MACROD2: variants seen among roughly 807,000 people sequenced by gnomAD.
MACROD2 encodes the protein mono-ADP ribosylhydrolase 2.
MACROD2 carries 36 observed loss-of-function variants against 70.4 expected under a neutral mutation model. The ratio of observed to expected loss-of-function variants is 0.51; its 90% CI spans 0.39 to 0.68. The LOEUF is 0.68. Ranked by LOEUF, MACROD2 falls within the 30% of genes least tolerant of loss-of-function variation. The pLI, the probability that MACROD2 is intolerant of heterozygous loss-of-function variation, is 0.00. For synonymous variants in MACROD2, 172 were observed against 178.8 expected (o/e 0.96, Z 0.30); for missense variants, 496 against 538.4 (o/e 0.92, Z 0.78).
rs556033575 is a variant in MACROD2 at position 14,831,544 on chromosome 20, C to T, written c.418+146585C>T. 1.8e-4 allele frequency among the ~76,000 whole-genome samples: 27 copies of T among 151,562 alleles called. No individual in the cohort carries two copies. The South Asian group carries it at 3.8e-3, about 21-fold the overall frequency. ...CTGTAATCCCAGCACTTTGGGAGGC[C>T]GAGGAGGGTGGATCACCTGAGGTCG... On this transcript the variant is annotated intron_variant, in intron 5 of 17. Coordinates refer to ENST00000684519, the MANE Select transcript of MACROD2 (RefSeq NM_001351661.2).
chr20:15,687,469 G>A (rs1199554635), intron 8 of MACROD2, among the ~76,000 whole-genome samples: 12 of 151,816 alleles, frequency 7.9e-5, no homozygotes, highest in South Asian at 2.1e-4. Flanking sequence ...TCTGGACACC[G>A]GTCATTGACT....
At chr20:14,605,963 G>T (rs1372031610) in intron 4 of MACROD2, among the ~76,000 whole-genome samples, 1 of 152,006 alleles carries the variant, frequency 6.6e-6, no homozygotes, top group African/African-American at 2.4e-5. Context: ...ATTACCCAGG[G>T]ATAATAGAAT....
intron 8 of MACROD2, among the ~76,000 whole-genome samples, chr20:15,534,854 T>C (rs2047852301): frequency 6.6e-6 from 1 of 152,200 alleles, no homozygotes; most frequent in South Asian, 2.1e-4. Flanking sequence ...TAAATTCTAC[T>C]CTACATTCTT....
At chr20:14,782,082 C>A (rs1198360387) in intron 5 of MACROD2, among the ~76,000 whole-genome samples, 1 of 151,862 alleles carries the variant, frequency 6.6e-6, no homozygotes, top group African/African-American at 2.4e-5. Flanking sequence ...TGCCACCACG[C>A]CCAGATAATT....
At chr20:15,493,742 C>T (rs2047260113) in intron 7 of MACROD2, among the ~76,000 whole-genome samples, 1 of 152,184 alleles carries the variant, frequency 6.6e-6, no homozygotes, top group African/African-American at 2.4e-5. Context: ...ACTGTAGCTG[C>T]ATTGGAACCA....
intron 8 of MACROD2, among the ~76,000 whole-genome samples, chr20:15,580,265 C>G (rs1194512792): frequency 6.6e-6 from 1 of 152,170 alleles, no homozygotes; most frequent in Non-Finnish European, 1.5e-5. Context: ...CTTCCCGTGA[C>G]AATTTGGAGT....
At chr20:15,637,616 A>G (rs756466904) in intron 8 of MACROD2, among the ~76,000 whole-genome samples, 19 of 152,182 alleles carry the variant, frequency 1.2e-4, no homozygotes, top group Non-Finnish European at 2.4e-4. Flanking sequence ...TGCACATAAG[A>G]CAGGCCCACA....
intron 3 of MACROD2, among the ~76,000 whole-genome samples, chr20:14,133,805 A>G (rs971932924): frequency 1.3e-5 from 2 of 152,216 alleles, no homozygotes; most frequent in African/African-American, 4.8e-5. Context: ...TTCTGGGAAT[A>G]CAATGGGCAG....
At chr20:14,918,982 T>C (rs999733208) in intron 5 of MACROD2, among the ~76,000 whole-genome samples, 2 of 152,184 alleles carry the variant, frequency 1.3e-5, no homozygotes, top group African/African-American at 2.4e-5. Flanking sequence ...AGAATTAAAC[T>C]GAATGCTTTG....
At chr20:15,717,878 T>C (rs1351435703) in intron 8 of MACROD2, among the ~76,000 whole-genome samples, 2 of 152,034 alleles carry the variant, frequency 1.3e-5, no homozygotes, top group African/African-American at 4.8e-5. Flanking sequence ...ACAGAAGCAA[T>C]AGCTGGCATG....
intron 5 of MACROD2, among the ~76,000 whole-genome samples, chr20:14,933,559 GAT>G (rs1436523329): frequency 6.6e-6 from 1 of 151,804 alleles, no homozygotes; most frequent in African/African-American, 2.4e-5. Flanking sequence ...GAGGCCAGGA[GAT>G]TGAGGCTGCA....
chr20:15,332,872 A>G (rs1248026002), intron 6 of MACROD2, among the ~76,000 whole-genome samples: 2 of 151,562 alleles, frequency 1.3e-5, no homozygotes, highest in Non-Finnish European at 2.9e-5. Flanking sequence ...ATGAAGTTAG[A>G]ATGGAGGAGA....
intron 8 of MACROD2, among the ~76,000 whole-genome samples, chr20:15,638,040 T>A (rs952968175): frequency 6.6e-6 from 1 of 152,188 alleles, no homozygotes; most frequent in East Asian, 1.9e-4. Context: ...AATTTTTTTT[T>A]ACGAGGCTTG....
At chr20:14,490,368 T>G (rs899588249) in intron 3 of MACROD2, among the ~76,000 whole-genome samples, 1 of 152,202 alleles carries the variant, frequency 6.6e-6, no homozygotes, top group Non-Finnish European at 1.5e-5. Flanking sequence ...TTGTAAACAG[T>G]AAAACTCCAT....
chr20:15,583,647 T>C (rs1428638050), intron 8 of MACROD2, among the ~76,000 whole-genome samples: 1 of 151,150 alleles, frequency 6.6e-6, no homozygotes, highest in Non-Finnish European at 1.5e-5. Context: ...TTTGTTTTTG[T>C]TTTTTTTTCT....
At chr20:14,944,385 G>A (rs2074413365) in intron 5 of MACROD2, among the ~76,000 whole-genome samples, 1 of 152,158 alleles carries the variant, frequency 6.6e-6, no homozygotes. Context: ...CATGTAAGAA[G>A]ATGAAATTGT....
At chr20:15,977,129 A>G (rs1341729207) in intron 13 of MACROD2, among the ~76,000 whole-genome samples, 1 of 152,186 alleles carries the variant, frequency 6.6e-6, no homozygotes, top group Non-Finnish European at 1.5e-5. Context: ...CCTTCATGAT[A>G]TAGACGAAGC....
At chr20:15,507,343 C>G (rs561737041) in intron 8 of MACROD2, among the ~76,000 whole-genome samples, 52 of 151,200 alleles carry the variant, frequency 3.4e-4, no homozygotes, top group African/African-American at 1.2e-3. Flanking sequence ...CCAATTCCCT[C>G]CTCCCTTTTT....
chr20:14,979,656 A>G (rs2074778945), intron 5 of MACROD2, among the ~76,000 whole-genome samples: 1 of 152,222 alleles, frequency 6.6e-6, no homozygotes, highest in African/African-American at 2.4e-5. Context: ...GTTTGATCAC[A>G]AGTTTTTTTT....
Sources: allele counts gnomAD v4.1 joint callset (sites outside exome capture counted in the v4.1 genomes callset), GRCh38; gene constraint gnomAD v4.1.1; transcripts MANE v1.5; gene names NCBI Gene and HGNC (gene_info 2026-07-23, HGNC 2026-07-21).